Variants in DDC observed in about 807,000 individuals in gnomAD.
DDC encodes the protein dopa decarboxylase.
DDC carries 43 observed loss-of-function variants against 60.0 expected under a neutral mutation model. That is an observed-to-expected ratio of 0.72 (90% CI 0.56 to 0.92). The LOEUF (loss-of-function observed/expected upper bound fraction) is 0.92. Ranked by LOEUF, DDC falls within the 40% of genes least tolerant of loss-of-function variation. The pLI is 0.00. For synonymous variants in DDC, 232 were observed against 234.6 expected, an observed-to-expected ratio of 0.99 and a Z score of 0.10; for missense variants, 573 against 620.2, an observed-to-expected ratio of 0.92 and a Z score of 0.81.
intron 10 of DDC, 72 bp from the exon 11 acceptor site, chr7:50,476,715 C>T: frequency 7.1e-7 from 1 of 1,401,976 alleles, no homozygotes; most frequent in Non-Finnish European, 1.0e-6. Context: ...TAATCCTTTT[C>T]ATTTTCCAGG....
chr7:50,472,220 T>TAGTCCC (rs926094348), intron 11 of DDC, among the ~76,000 whole-genome samples: 6 of 152,172 alleles, frequency 3.9e-5, no homozygotes. Flanking sequence ...TTTGCCTTTT[T>TAGTCCC]AGTCCCAGCC....
intron 1 of DDC, among the ~76,000 whole-genome samples, chr7:50,560,277 T>A (rs1043654454): frequency 6.6e-6 from 1 of 152,208 alleles, no homozygotes. Flanking sequence ...CCTTGGAGTC[T>A]TCAAGAGAGA....
chr7:50,499,325 C>A (rs2043197596), intron 7 of DDC, 83 bp from the exon 8 acceptor site: 2 of 885,852 alleles, frequency 2.3e-6, no homozygotes, highest in Non-Finnish European at 3.7e-6. Context: ...TGTCTGAGCA[C>A]CTTCTTGGGT....
chr7:50,528,074 T>G (rs1310841409), intron 6 of DDC, 63 bp downstream of exon 6: 2 of 1,578,910 alleles, frequency 1.3e-6, no homozygotes, highest in African/African-American at 2.7e-5. Flanking sequence ...TTTTTTTTTG[T>G]ATTTTTAGTA....
At chr7:50,562,941 C>A (rs909388389) in intron 1 of DDC, among the ~76,000 whole-genome samples, 1 of 152,128 alleles carries the variant, frequency 6.6e-6, no homozygotes, top group Non-Finnish European at 1.5e-5. Context: ...CCAAGGTGGG[C>A]ACATCACCTG....
At chr7:50,528,400 AG>A in intron 5 of DDC, 120 bp from the exon 6 acceptor site, 1 of 1,236,044 alleles carries the variant, frequency 8.1e-7, no homozygotes, top group Non-Finnish European at 1.2e-6. Flanking sequence ...ACGGCACAGG[AG>A]GCAGAACTGC....
rs1381324004 is a variant in DDC, at chr7:50,463,327, G to T, written c.1347C>A (p.Ala449=). The part of the protein sequence containing the change: ...HLRDKFVLRF[A]ICSRTVESAH... ...CAGATTCCACCGTGCGAGAACAGAT[G>T]GCAAAGCGCAGGACAAACTTGTCCC... The change falls in exon 14 of 15, where the codon GCC becomes GCA. Residue 449 remains alanine (A), a synonymous_variant. Transcript: ENST00000444124. The T allele has an allele frequency of 6.2e-7, 1 of 1,614,234 alleles. No individual in the cohort carries two copies. The highest frequency in any genetic ancestry group is 8.5e-7 in the Non-Finnish European group (1 of 1,180,050).
At chr7:50,463,122 G>A (rs926914378) in intron 14 of DDC, 91 bp downstream of exon 14, 32 of 1,018,680 alleles carry the variant, frequency 3.1e-5, no homozygotes, top group East Asian at 7.8e-5. Context: ...TTGAGTGGCC[G>A]GGCTGGGCCT....
chr7:50,531,385 A>G (rs148246428), intron 4 of DDC, among the ~76,000 whole-genome samples: 1 of 152,122 alleles, frequency 6.6e-6, no homozygotes, highest in African/African-American at 2.4e-5. Flanking sequence ...GAAATGTAAC[A>G]TGAAAAGCCT....
chr7:50,528,063 A>C, intron 6 of DDC, 74 bp downstream of exon 6: 1 of 1,525,250 alleles, frequency 6.6e-7, no homozygotes, highest in Non-Finnish European at 9.0e-7. Flanking sequence ...TGCCCGGCTA[A>C]TTTTTTTTTG....
intron 4 of DDC, among the ~76,000 whole-genome samples, chr7:50,530,975 A>T (rs1483796171): frequency 6.6e-6 from 1 of 152,178 alleles, no homozygotes; most frequent in East Asian, 1.9e-4. Flanking sequence ...GCCAACCCAC[A>T]TCCTTTGGTG....
chr7:50,548,835 AG>A (rs1183766979), intron 1 of DDC, among the ~76,000 whole-genome samples: 6 of 152,236 alleles, frequency 3.9e-5, no homozygotes, highest in Non-Finnish European at 8.8e-5. Flanking sequence ...ATAGCCAGAG[AG>A]GAGAAGTCAA....
chr7:50,551,791 A>G lies in DDC; in HGVS notation c.-28-7678T>C, dbSNP rs2045003922. On this transcript the variant is annotated intron_variant, in intron 1 of 14. Coordinates refer to ENST00000444124, the MANE Select transcript of DDC (RefSeq NM_001082971.2). Reference sequence around the variant, plus strand: ...CTGACCTATGAGAATGTCAATTTTTATGTAGTGAAATCTCATAATCTTTTC... The same window carrying G: ...CTGACCTATGAGAATGTCAATTTTTGTGTAGTGAAATCTCATAATCTTTTC... Among the ~76,000 whole-genome samples the G allele has an allele frequency of 2.0e-5, 3 of 152,292 alleles. No homozygotes were observed. The South Asian group carries it at 6.2e-4, about 32-fold the overall frequency.
chr7:50,495,313 G>T, intron 9 of DDC, 37 bp downstream of exon 9: 2 of 1,525,630 alleles, frequency 1.3e-6, no homozygotes, highest in Non-Finnish European at 1.8e-6. Context: ...CTGTCACCTC[G>T]GACAGGCAAC....
chr7:50,544,448 C>A (rs2044737433), intron 1 of DDC, among the ~76,000 whole-genome samples: 1 of 152,168 alleles, frequency 6.6e-6, no homozygotes. Flanking sequence ...CTGCCTCTGC[C>A]CTTACCTGCC....
At chr7:50,517,880 C>T (rs114165494) in intron 6 of DDC, among the ~76,000 whole-genome samples, 1,469 of 144,924 alleles carry the variant, frequency 0.01, 30 homozygotes, top group African/African-American at 0.036. Context: ...GAGTTGAAGA[C>T]CTCTACCAGG....
At chr7:50,540,249 CT>C (rs1454440057) in intron 2 of DDC, 1 of 532,608 alleles carries the variant, frequency 1.9e-6, no homozygotes, top group Non-Finnish European at 3.5e-6. Context: ...AACCAGCTCC[CT>C]TTTTGACACT....
At position 50,538,424 on chromosome 7, in the gene DDC, G is replaced by T. The variant is rs11575314; in HGVS notation, c.316-445C>A. Among the ~76,000 whole-genome samples, 793 of 152,192 alleles carry T rather than the reference G, an allele frequency of 5.2e-3. 7 individuals are homozygous for T. Among genetic ancestry groups the T allele is most frequent in the African/African-American group, 0.015 (642 of 41,512 alleles). On this transcript the variant is annotated intron_variant, in intron 3 of 14. Coordinates refer to ENST00000444124, the MANE Select transcript of DDC (RefSeq NM_001082971.2). ...TGAACTCTCCCCTCTCTCTGAACAG[G>T]CTGGTCTTGAGCCCCATCCAAAGGT...
chr7:50,464,819 G>T (rs973407839), intron 13 of DDC, among the ~76,000 whole-genome samples: 1 of 152,178 alleles, frequency 6.6e-6, no homozygotes. Flanking sequence ...ACACACTGAA[G>T]CATTCAGCAT....
Sources: allele counts gnomAD v4.1 joint callset (sites outside exome capture counted in the v4.1 genomes callset), GRCh38; gene constraint gnomAD v4.1.1; transcripts MANE v1.5; gene names NCBI Gene and HGNC (gene_info 2026-07-23, HGNC 2026-07-21).